WDR89: variants seen among roughly 807,000 people sequenced by gnomAD.
The protein encoded by WDR89 is WD repeat domain 89.
WDR89 carries 17 observed loss-of-function variants against 29.1 expected under a neutral mutation model. The observed-to-expected ratio is 0.58, with a 90% CI of 0.40 to 0.88. The LOEUF is 0.88. Ranked by LOEUF, WDR89 falls within the 40% of genes least tolerant of loss-of-function variation. The pLI is 0.00. For synonymous variants in WDR89, 138 were observed against 157.8 expected (o/e 0.87, Z 0.94); for missense variants, 396 against 456.3 (o/e 0.87, Z 1.20).
At chr14:63,605,125 G>A (rs1394260141) in intron 2 of WDR89, among the ~76,000 whole-genome samples, 7 of 151,596 alleles carry the variant, frequency 4.6e-5, no homozygotes, top group African/African-American at 1.2e-4. Context: ...CTTCAGCCTC[G>A]GCGACAGAGC....
Position 63,604,911 on chromosome 14 carries a change from G to A in WDR89, c.-31-4938C>T, listed in dbSNP as rs80243909. ...TCCCAGCACTTTGGGAGGCCAAGCC[G>A]GGCAGCCAGGCAGATCACTTTAGCC... is the stretch of plus-strand genomic sequence containing the variant. On this transcript the variant is annotated intron_variant, in intron 2 of 2. Coordinates refer to ENST00000620954, the MANE Select transcript of WDR89 (RefSeq NM_080666.4). Among the ~76,000 whole-genome samples the A allele has an allele frequency of 4.9e-3, 745 of 152,160 alleles. 8 individuals carry two copies. Among genetic ancestry groups the A allele is most frequent in the East Asian group, 0.019 (99 of 5,182 alleles).
chr14:63,604,716 A>C (rs1400627603), intron 2 of WDR89, among the ~76,000 whole-genome samples: 1 of 152,016 alleles, frequency 6.6e-6, no homozygotes, highest in Admixed American at 6.6e-5. Context: ...TTATTACCTA[A>C]CTCTTTCTTG....
chr14:63,632,589 C>T (rs940396621), intron 1 of WDR89, among the ~76,000 whole-genome samples: 40 of 152,122 alleles, frequency 2.6e-4, no homozygotes, highest in African/African-American at 9.2e-4. Context: ...GCCGTGATCA[C>T]ACCACTGCAC....
intron 2 of WDR89, chr14:63,601,914 A>G (rs1895082233): frequency 2.0e-6 from 1 of 490,182 alleles, no homozygotes; most frequent in South Asian, 3.0e-5. Flanking sequence ...TCTCTTTTAT[A>G]ATAAACTAAA....
intron 2 of WDR89, among the ~76,000 whole-genome samples, chr14:63,605,674 G>A (rs185631840): frequency 1.1e-3 from 169 of 152,128 alleles, no homozygotes; most frequent in Non-Finnish European, 1.2e-3. Flanking sequence ...TGGCCAGGCT[G>A]ATCTCGAACT....
intron 1 of WDR89, among the ~76,000 whole-genome samples, chr14:63,637,273 C>T (rs866297097): frequency 1.3e-5 from 2 of 152,070 alleles, no homozygotes; most frequent in African/African-American, 2.4e-5. Context: ...GAGATGCTGG[C>T]GTGGATGTGG....
At chr14:63,633,321 C>A (rs1423968606) in intron 1 of WDR89, among the ~76,000 whole-genome samples, 1 of 151,820 alleles carries the variant, frequency 6.6e-6, no homozygotes, top group Admixed American at 6.6e-5. Context: ...CCTAAAAATG[C>A]TACCCTAATT....
intron 1 of WDR89, among the ~76,000 whole-genome samples, chr14:63,630,403 G>A (rs1369125786): frequency 6.6e-6 from 1 of 151,178 alleles, no homozygotes; most frequent in East Asian, 2.0e-4. Flanking sequence ...AGCACTTTGG[G>A]AGGCCAAGGC....
chr14:63,632,037 G>A (rs1454159372), intron 1 of WDR89, among the ~76,000 whole-genome samples: 2 of 151,450 alleles, frequency 1.3e-5, no homozygotes, highest in Non-Finnish European at 2.9e-5. Flanking sequence ...GCTTGAACCT[G>A]GGAGGTGAAG....
intron 1 of WDR89, among the ~76,000 whole-genome samples, chr14:63,640,930 T>C (rs369160528): frequency 3.3e-3 from 491 of 148,854 alleles, no homozygotes; most frequent in African/African-American, 0.011. Flanking sequence ...AAATCCCGTC[T>C]CTACTAAAAA....
chr14:63,608,666 GCACACACACACA>G (rs57605983), intron 2 of WDR89, among the ~76,000 whole-genome samples: 5 of 144,670 alleles, frequency 3.5e-5, no homozygotes, highest in Admixed American at 1.4e-4. Flanking sequence ...TGTGGTGCAT[GCACACACACACA>G]CACACACACA....
At position 63,627,314 on chromosome 14, in the gene WDR89, G is replaced by A. The variant is rs1212054574; in HGVS notation, c.-137-2281C>T. ...ATTAAATATATGCGTATGTAAGGAA[G>A]GATATTTATTAAAGAATTGTAATAA... On this transcript the variant is annotated intron_variant, in intron 1 of 2. Coordinates refer to ENST00000620954, the MANE Select transcript of WDR89 (RefSeq NM_080666.4). 2.6e-5 allele frequency among the ~76,000 whole-genome samples: 4 copies of A among 152,034 alleles called. No homozygotes were observed. The East Asian group carries it at 5.8e-4, about 22-fold the overall frequency.
At chr14:63,618,735 T>C (rs571665388) in intron 2 of WDR89, among the ~76,000 whole-genome samples, 3 of 152,072 alleles carry the variant, frequency 2.0e-5, no homozygotes, top group Non-Finnish European at 4.4e-5. Flanking sequence ...GCAAAAAGGA[T>C]AGCAAAAGAA....
intron 1 of WDR89, chr14:63,641,318 G>C (rs1216538797): frequency 1.3e-5 from 2 of 152,144 alleles, no homozygotes; most frequent in Non-Finnish European, 2.9e-5. Flanking sequence ...TAGCCATGTG[G>C]TTTAAATGAT....
At chr14:63,623,681 G>A (rs1193387644) in intron 2 of WDR89, among the ~76,000 whole-genome samples, 2 of 125,438 alleles carry the variant, frequency 1.6e-5, no homozygotes, top group Non-Finnish European at 3.2e-5. Flanking sequence ...TCCAGCCTGG[G>A]AGACAGAGTG....
intron 2 of WDR89, among the ~76,000 whole-genome samples, chr14:63,615,098 T>C (rs1315191331): frequency 6.6e-6 from 1 of 152,218 alleles, no homozygotes; most frequent in Non-Finnish European, 1.5e-5. Flanking sequence ...GAGATTATGC[T>C]GCAGGTTCCA....
At chr14:63,616,088 G>A (rs190226457) in intron 2 of WDR89, among the ~76,000 whole-genome samples, 1 of 152,140 alleles carries the variant, frequency 6.6e-6, no homozygotes, top group East Asian at 1.9e-4. Flanking sequence ...ACAAAATTTA[G>A]CTAATTTTTG....
chr14:63,605,359 TAAA>T (rs1895274128), intron 2 of WDR89, among the ~76,000 whole-genome samples: 1 of 152,128 alleles, frequency 6.6e-6, no homozygotes, highest in Admixed American at 6.6e-5. Context: ...GCCAGTCATA[TAAA>T]AGTATAGTGC....
intron 2 of WDR89, among the ~76,000 whole-genome samples, chr14:63,624,511 TAA>T (rs34839242): frequency 0.055 from 7,577 of 136,814 alleles, 276 homozygotes; most frequent in African/African-American, 0.11. Context: ...AAGAAATATT[TAA>T]AAAAAAAAAA....
Sources: gnomAD v4.1 joint callset for allele counts (sites outside exome capture counted in the v4.1 genomes callset) on GRCh38, gnomAD v4.1.1 for gene constraint, MANE v1.5 for transcripts, NCBI Gene and HGNC (gene_info 2026-07-23, HGNC 2026-07-21) for gene names.